The following UNC13C variants were observed in gnomAD, a reference collection of about 807,000 sequenced individuals.
The protein encoded by UNC13C is unc-13 homolog C.
A neutral mutation model predicts 245.4 loss-of-function variants in UNC13C; 174 were observed. The ratio of observed to expected loss-of-function variants is 0.71; its 90% CI spans 0.63 to 0.80. UNC13C has a LOEUF of 0.80. Ranked by LOEUF, UNC13C falls within the 30% of genes least tolerant of loss-of-function variation. UNC13C has a pLI of 0.00. For synonymous variants in UNC13C, 992 were observed against 895.1 expected (o/e 1.11, Z -1.93); for missense variants, 2,829 against 2,602.9 (o/e 1.09, Z -1.89).
chr15:53,901,645 T>C, the UNC13C span, among the ~76,000 whole-genome samples: 1 of 152,210 alleles, frequency 6.6e-6, no homozygotes, highest in South Asian at 2.1e-4. Context: ...AACATTTTTG[T>C]ATATAAACTC....
chr15:54,018,212 A>G (rs985056456), intron 2 of UNC13C, among the ~76,000 whole-genome samples: 3 of 152,106 alleles, frequency 2.0e-5, no homozygotes, highest in Non-Finnish European at 2.9e-5. Flanking sequence ...TCCCATGGCC[A>G]TCTGCTTACT....
chr15:54,193,753 A>G (rs1270202166), intron 4 of UNC13C, among the ~76,000 whole-genome samples: 2 of 151,214 alleles, frequency 1.3e-5, no homozygotes, highest in Non-Finnish European at 2.9e-5. Flanking sequence ...CTCTTAAGAG[A>G]AAATCATCTC....
the UNC13C span, among the ~76,000 whole-genome samples, chr15:53,903,737 C>A: frequency 6.6e-6 from 1 of 151,978 alleles, no homozygotes; most frequent in African/African-American, 2.4e-5. Context: ...AATTGGAGGT[C>A]GAAGGGCTGT....
At chr15:54,554,539 C>G (rs1370971807) in intron 28 of UNC13C, among the ~76,000 whole-genome samples, 1 of 152,064 alleles carries the variant, frequency 6.6e-6, no homozygotes, top group Non-Finnish European at 1.5e-5. Context: ...GACTTTTCTT[C>G]TAATTCACAA....
At chr15:54,077,529 C>T (rs1898703466) in intron 2 of UNC13C, among the ~76,000 whole-genome samples, 1 of 151,526 alleles carries the variant, frequency 6.6e-6, no homozygotes, top group Non-Finnish European at 1.5e-5. Flanking sequence ...CAGGCATGCA[C>T]CACCACGCTC....
intron 13 of UNC13C, among the ~76,000 whole-genome samples, chr15:54,312,083 G>T (rs2140964573): frequency 6.6e-6 from 1 of 151,818 alleles, no homozygotes; most frequent in Non-Finnish European, 1.5e-5. Flanking sequence ...AATATACAAT[G>T]TACATTTTTT....
intron 1 of UNC13C, among the ~76,000 whole-genome samples, chr15:53,992,154 C>T (rs1894421072): frequency 6.6e-6 from 1 of 151,998 alleles, no homozygotes; most frequent in African/African-American, 2.4e-5. Flanking sequence ...AATTTAATAT[C>T]ACTGGAGAAG....
chr15:54,190,292 A>G (rs1057343757), intron 4 of UNC13C, among the ~76,000 whole-genome samples: 1 of 152,168 alleles, frequency 6.6e-6, no homozygotes, highest in Non-Finnish European at 1.5e-5. Context: ...AAAAAAGTTT[A>G]ACAAGACAGG....
At chr15:54,552,697 T>TA (rs1285108808) in intron 28 of UNC13C, among the ~76,000 whole-genome samples, 1 of 87,752 alleles carries the variant, frequency 1.1e-5, no homozygotes, top group Non-Finnish European at 1.9e-5. Context: ...TAATTATATA[T>TA]TATATATAAT....
At chr15:54,207,423 T>C (rs915405507) in intron 4 of UNC13C, among the ~76,000 whole-genome samples, 3 of 152,078 alleles carry the variant, frequency 2.0e-5, no homozygotes, top group Non-Finnish European at 2.9e-5. Flanking sequence ...CTTTTTCATG[T>C]TCTGCCATGA....
intron 24 of UNC13C, among the ~76,000 whole-genome samples, chr15:54,515,590 A>C (rs1273044876): frequency 3.9e-5 from 6 of 152,220 alleles, no homozygotes; most frequent in Non-Finnish European, 8.8e-5. Context: ...ATGCATTTTG[A>C]AACTCTAAAG....
At chr15:54,097,964 C>T (rs1022627983) in intron 2 of UNC13C, among the ~76,000 whole-genome samples, 3 of 152,104 alleles carry the variant, frequency 2.0e-5, no homozygotes, top group African/African-American at 4.8e-5. Context: ...TGACTGTGAA[C>T]GTTTCTTTGC....
chr15:54,196,244 G>C (rs1221928178), intron 4 of UNC13C, among the ~76,000 whole-genome samples: 1 of 151,962 alleles, frequency 6.6e-6, no homozygotes, highest in Non-Finnish European at 1.5e-5. Flanking sequence ...AGTGAAAGTG[G>C]AAATGCAGAG....
chr15:53,894,463 G>T, the UNC13C span, among the ~76,000 whole-genome samples: 1 of 152,166 alleles, frequency 6.6e-6, no homozygotes, highest in Admixed American at 6.5e-5. Context: ...TGAAAATCAA[G>T]TATCAATTTT....
chr15:54,475,140 G>C (rs944865521), intron 19 of UNC13C, among the ~76,000 whole-genome samples: 2 of 151,784 alleles, frequency 1.3e-5, no homozygotes, highest in African/African-American at 2.4e-5. Flanking sequence ...TGTTGCCTGT[G>C]CTTTTGAGGT....
At chr15:54,063,337 G>T (rs1170949059) in intron 2 of UNC13C, among the ~76,000 whole-genome samples, 1 of 152,150 alleles carries the variant, frequency 6.6e-6, no homozygotes, top group Non-Finnish European at 1.5e-5. Flanking sequence ...GTGTGGTGGG[G>T]AAGGGGGCGA....
intron 10 of UNC13C, among the ~76,000 whole-genome samples, chr15:54,274,664 A>C (rs1306939130): frequency 9.4e-6 from 1 of 106,154 alleles, no homozygotes; most frequent in Non-Finnish European, 1.9e-5. Context: ...CTAATAAAGT[A>C]GACTTTTTTT....
the UNC13C span, among the ~76,000 whole-genome samples, chr15:53,891,090 C>T: frequency 2.0e-5 from 3 of 152,120 alleles, no homozygotes; most frequent in African/African-American, 7.2e-5. Context: ...TTTCAAGGAA[C>T]ATCTTTATTT....
At chr15:54,352,055 C>T (rs777447196) in intron 17 of UNC13C, among the ~76,000 whole-genome samples, 27 of 151,680 alleles carry the variant, frequency 1.8e-4, no homozygotes, top group Admixed American at 5.9e-4. Flanking sequence ...GTTAAAATAT[C>T]ATTTACTCAG....
Sources: allele counts gnomAD v4.1 joint callset (sites outside exome capture counted in the v4.1 genomes callset), GRCh38; gene constraint gnomAD v4.1.1; transcripts MANE v1.5; gene names NCBI Gene and HGNC (gene_info 2026-07-23, HGNC 2026-07-21).